Variants in IL1RAPL2 observed in about 807,000 individuals in gnomAD.
The protein encoded by IL1RAPL2 is X-linked interleukin-1 receptor accessory protein-like 2.
In IL1RAPL2, 3 loss-of-function variants were observed where a neutral mutation model predicts 44.1. The ratio of observed to expected loss-of-function variants is 0.07; its 90% CI spans 0.03 to 0.18. The LOEUF is 0.18. IL1RAPL2 is among the 10% of genes least tolerant of loss of function. The pLI, the probability that IL1RAPL2 is intolerant of heterozygous loss-of-function variation, is 1.00. For missense variants in IL1RAPL2, 391 were observed against 496.4 expected, an observed-to-expected ratio of 0.79 and a Z score of 2.02; for synonymous variants, 181 against 178.8, an observed-to-expected ratio of 1.01 and a Z score of -0.10.
At chrX:105,161,293 G>A (rs1887419379) in intron 2 of IL1RAPL2, among the ~76,000 whole-genome samples, 1 of 109,604 alleles carries the variant, frequency 9.1e-6, no homozygotes, top group Admixed American at 1.0e-4. Context: ...ATCTGTTTTA[G>A]AAAGTACATC....
At chrX:104,897,781 C>G (rs1473849642) in intron 2 of IL1RAPL2, among the ~76,000 whole-genome samples, 1 of 112,005 alleles carries the variant, frequency 8.9e-6, no homozygotes, top group East Asian at 2.8e-4. Flanking sequence ...ATATTAGAAT[C>G]ACCTTGCCCT....
At chrX:105,029,054 C>A (rs1437002221) in intron 2 of IL1RAPL2, among the ~76,000 whole-genome samples, 1 of 108,891 alleles carries the variant, frequency 9.2e-6, no homozygotes, top group African/African-American at 3.3e-5. Flanking sequence ...CTTGAGTGCA[C>A]CAATTTTTAT....
chrX:105,123,624 C>G (rs2032946943), intron 2 of IL1RAPL2, among the ~76,000 whole-genome samples: 1 of 111,330 alleles, frequency 9.0e-6, no homozygotes, highest in African/African-American at 3.3e-5. Context: ...TGAATTCTGC[C>G]AGACCTTTGG....
intron 5 of IL1RAPL2, among the ~76,000 whole-genome samples, chrX:105,386,691 C>A (rs945140959): frequency 9.0e-6 from 1 of 111,541 alleles, no homozygotes; most frequent in African/African-American, 3.2e-5. Context: ...CCTCCCGAAA[C>A]TCTAGTTTGA....
intron 6 of IL1RAPL2, among the ~76,000 whole-genome samples, chrX:105,624,160 G>A (rs757342042): frequency 2.7e-5 from 3 of 111,501 alleles, no homozygotes; most frequent in Admixed American, 1.9e-4. Context: ...CATTGTGGCT[G>A]AGAAATAGTG....
chrX:104,762,414 G>A (rs913108599), intron 2 of IL1RAPL2, among the ~76,000 whole-genome samples: 1 of 112,121 alleles, frequency 8.9e-6, no homozygotes, highest in Non-Finnish European at 1.9e-5. Flanking sequence ...CTGTGGCTTT[G>A]CAGGGTACAG....
intron 5 of IL1RAPL2, among the ~76,000 whole-genome samples, chrX:105,483,222 A>G (rs1465342046): frequency 9.1e-6 from 1 of 109,605 alleles, no homozygotes; most frequent in East Asian, 2.9e-4. Context: ...TTTTTGTTTC[A>G]AGATCTACAA....
At chrX:104,734,888 C>A in intron 2 of IL1RAPL2, among the ~76,000 whole-genome samples, 1 of 111,710 alleles carries the variant, frequency 9.0e-6, no homozygotes, top group Middle Eastern at 4.7e-3. Flanking sequence ...CTCAAACAGG[C>A]CCACTTTATG....
chrX:104,664,320 TG>T (rs1035811282), intron 2 of IL1RAPL2, among the ~76,000 whole-genome samples: 23 of 111,299 alleles, frequency 2.1e-4, no homozygotes, highest in Non-Finnish European at 5.7e-5. Flanking sequence ...GGCTCCCCTC[TG>T]GGAAGCTCTC....
In IL1RAPL2 at chrX:104,616,687, G is replaced by C. The variant is rs1326538999; in HGVS notation, c.-19-42208G>C. On this transcript the variant is annotated intron_variant, in intron 1 of 10. Transcript: ENST00000372582. The stretch of plus-strand genomic sequence containing the variant: ...ATCTTGTGGCCCCCACCCAGGTACT[G>C]ACTCAGTACAGGAAGATAGCTTCGA... 1.1e-4 allele frequency among the ~76,000 whole-genome samples: 12 copies of C among 111,636 alleles called. No individual in the cohort carries two copies. The Admixed American group carries it at 1.1e-3, about 11-fold the overall frequency.
intron 5 of IL1RAPL2, among the ~76,000 whole-genome samples, chrX:105,445,856 G>A (rs1024466956): frequency 3.6e-5 from 4 of 111,362 alleles, no homozygotes; most frequent in Admixed American, 9.6e-5. Flanking sequence ...AAAATAATGT[G>A]TATTTTTCAG....
chrX:104,672,152 G>C (rs985514013), intron 2 of IL1RAPL2, among the ~76,000 whole-genome samples: 34 of 110,604 alleles, frequency 3.1e-4, no homozygotes, highest in African/African-American at 9.9e-4. Flanking sequence ...CATTGTGCAG[G>C]TTAGTTACAT....
At chrX:104,798,615 G>A (rs932341428) in intron 2 of IL1RAPL2, among the ~76,000 whole-genome samples, 3 of 111,488 alleles carry the variant, frequency 2.7e-5, no homozygotes, top group South Asian at 3.8e-4. Context: ...GCAGTGAGCC[G>A]AGATCGTGCC....
chrX:104,903,984 G>A (rs982697400), intron 2 of IL1RAPL2, among the ~76,000 whole-genome samples: 30 of 111,876 alleles, frequency 2.7e-4, no homozygotes, highest in African/African-American at 8.1e-4. Flanking sequence ...TTAAAACTCA[G>A]ATCATTCTGG....
intron 2 of IL1RAPL2, among the ~76,000 whole-genome samples, chrX:105,004,012 C>T (rs1260561564): frequency 2.7e-5 from 3 of 111,170 alleles, no homozygotes; most frequent in African/African-American, 9.8e-5. Flanking sequence ...AAATGTAAGG[C>T]AACAAAAAGG....
At chrX:105,490,508 C>T (rs2036309077) in intron 6 of IL1RAPL2, among the ~76,000 whole-genome samples, 1 of 111,319 alleles carries the variant, frequency 9.0e-6, no homozygotes, top group African/African-American at 3.3e-5. Flanking sequence ...AATCGATTTC[C>T]CTAGCATATC....
chrX:105,397,383 C>T (rs146150186), intron 5 of IL1RAPL2, among the ~76,000 whole-genome samples: 124 of 110,545 alleles, frequency 1.1e-3, no homozygotes, highest in African/African-American at 3.8e-3. Flanking sequence ...TTAGCAATTA[C>T]AACTTCAAGG....
At chrX:104,795,950 G>A (rs140642976) in intron 2 of IL1RAPL2, among the ~76,000 whole-genome samples, 201 of 111,932 alleles carry the variant, frequency 1.8e-3, no homozygotes, top group African/African-American at 5.5e-3. Flanking sequence ...AGTCTACTCC[G>A]TATGAGAACC....
chrX:105,496,381 T>C (rs1300698362), intron 6 of IL1RAPL2, among the ~76,000 whole-genome samples: 1 of 112,475 alleles, frequency 8.9e-6, no homozygotes, highest in Non-Finnish European at 1.9e-5. Context: ...CAGAGTTTGA[T>C]TCTTTGTGTT....
Sources: allele counts gnomAD v4.1 joint callset (sites outside exome capture counted in the v4.1 genomes callset), GRCh38; gene constraint gnomAD v4.1.1; transcripts MANE v1.5; gene names NCBI Gene and HGNC (gene_info 2026-07-23, HGNC 2026-07-21).